The following GABRG3 variants were observed in gnomAD, a reference collection of about 807,000 sequenced individuals.
The protein encoded by GABRG3 is gamma-aminobutyric acid type A receptor subunit gamma3, also known as gamma-aminobutyric acid receptor subunit gamma-3.
A neutral mutation model predicts 48.8 loss-of-function variants in GABRG3; 25 were observed. The ratio of observed to expected loss-of-function variants is 0.51; its 90% CI spans 0.37 to 0.72. The LOEUF (loss-of-function observed/expected upper bound fraction) is 0.72, where lower values mean the gene tolerates loss of function less well. GABRG3 is among the 30% of genes least tolerant of loss of function. GABRG3 has a pLI of 0.00. For synonymous variants in GABRG3, 227 were observed against 217.6 expected, an observed-to-expected ratio of 1.04 and a Z score of -0.38; for missense variants, 394 against 577.9, an observed-to-expected ratio of 0.68 and a Z score of 3.26.
intron 6 of GABRG3, among the ~76,000 whole-genome samples, chr15:27,490,427 A>G (rs1890320959): frequency 6.6e-6 from 1 of 152,156 alleles, no homozygotes; most frequent in Non-Finnish European, 1.5e-5. Flanking sequence ...TACATAGGTG[A>G]TGTCCATCCA....
intron 2 of GABRG3, among the ~76,000 whole-genome samples, chr15:27,019,055 C>CTTTTTTTTTT (rs9331868): frequency 2.4e-5 from 1 of 42,004 alleles, no homozygotes; most frequent in African/African-American, 1.0e-4. Context: ...TCCCTAGAGT[C>CTTTTTTTTTT]TTTTTTTTTT....
At chr15:27,288,635 C>A (rs540465495) in intron 3 of GABRG3, among the ~76,000 whole-genome samples, 47 of 151,864 alleles carry the variant, frequency 3.1e-4, no homozygotes, top group African/African-American at 1.1e-3. Context: ...ATCACTTGAA[C>A]CCAGGAGGTG....
intron 3 of GABRG3, among the ~76,000 whole-genome samples, chr15:27,175,576 T>C (rs2140413553): frequency 6.6e-6 from 1 of 152,308 alleles, no homozygotes; most frequent in South Asian, 2.1e-4. Flanking sequence ...TGTCTTTAAC[T>C]AAAAGCAGTC....
intron 5 of GABRG3, among the ~76,000 whole-genome samples, chr15:27,349,207 AC>A (rs1288299323): frequency 1.3e-5 from 2 of 152,206 alleles, no homozygotes; most frequent in East Asian, 3.9e-4. Flanking sequence ...TATCTTTTTT[AC>A]ATACACATTT....
intron 2 of GABRG3, among the ~76,000 whole-genome samples, chr15:27,000,920 G>C (rs776573771): frequency 6.6e-6 from 1 of 152,168 alleles, no homozygotes; most frequent in African/African-American, 2.4e-5. Context: ...CACTCTAGCT[G>C]TTGGGAACAG....
chr15:27,010,068 C>A (rs116027508), intron 2 of GABRG3, among the ~76,000 whole-genome samples: 9,682 of 152,206 alleles, frequency 0.064, 349 homozygotes, highest in East Asian at 0.18. Context: ...CCTCAGCCTC[C>A]CAAGTAGCTG....
chr15:27,012,385 G>A (rs1049997737), intron 2 of GABRG3, among the ~76,000 whole-genome samples: 9 of 152,028 alleles, frequency 5.9e-5, no homozygotes, highest in African/African-American at 2.2e-4. Context: ...GCCCAGGTAT[G>A]GTTTTCATAA....
rs368292144 is a variant in GABRG3, at chr15:27,296,047, A to T, written c.271-30762A>T. ...GCCCTCATTCTTGGTCTTCCGTGCC[A>T]GGAGTAGAGCTCTTGCCCTTGGTGA... is the stretch of plus-strand genomic sequence containing the variant. On this transcript the variant is annotated intron_variant, in intron 3 of 9. Coordinates refer to ENST00000615808, the MANE Select transcript of GABRG3 (RefSeq NM_033223.5). Among the ~76,000 whole-genome samples, 4 of 152,242 alleles carry T rather than the reference A, an allele frequency of 2.6e-5. No homozygotes were observed. The South Asian group carries it at 8.3e-4, about 32-fold the overall frequency.
intron 3 of GABRG3, among the ~76,000 whole-genome samples, chr15:27,259,263 G>A (rs1196366262): frequency 2.0e-5 from 3 of 152,184 alleles, no homozygotes; most frequent in African/African-American, 7.2e-5. Flanking sequence ...GCATTGCTGG[G>A]TCATGTGGTG....
intron 3 of GABRG3, chr15:27,208,144 A>G (rs1466384353): frequency 1.2e-5 from 2 of 171,366 alleles, no homozygotes; most frequent in South Asian, 1.5e-4. Context: ...AAGCTGAGCC[A>G]GGAACCCATC....
chr15:27,401,972 G>A (rs537596757), intron 5 of GABRG3, among the ~76,000 whole-genome samples: 1 of 152,258 alleles, frequency 6.6e-6, no homozygotes, highest in East Asian at 1.9e-4. Flanking sequence ...TGAGAAAGAA[G>A]AATTTTGACA....
chr15:27,120,649 T>C (rs1464957185), intron 3 of GABRG3, among the ~76,000 whole-genome samples: 1 of 152,122 alleles, frequency 6.6e-6, no homozygotes, highest in Non-Finnish European at 1.5e-5. Context: ...GCTCCTGGAC[T>C]GGGCTCCTAG....
intron 5 of GABRG3, among the ~76,000 whole-genome samples, chr15:27,442,299 T>C (rs1888812910): frequency 6.6e-6 from 1 of 152,136 alleles, no homozygotes; most frequent in Admixed American, 6.5e-5. Flanking sequence ...CACACCACTT[T>C]CCCCTGAGAG....
At chr15:27,062,074 A>G (rs1050155285) in intron 3 of GABRG3, among the ~76,000 whole-genome samples, 2 of 152,200 alleles carry the variant, frequency 1.3e-5, no homozygotes, top group African/African-American at 4.8e-5. Context: ...CTTCCGGGCA[A>G]CTGGCGGCAG....
At chr15:27,335,564 CA>C (rs1207742098) in intron 5 of GABRG3, among the ~76,000 whole-genome samples, 2 of 151,962 alleles carry the variant, frequency 1.3e-5, no homozygotes, top group Non-Finnish European at 2.9e-5. Context: ...TCATTTAAGT[CA>C]AATAAGGCCA....
intron 3 of GABRG3, among the ~76,000 whole-genome samples, chr15:27,170,018 G>C (rs775063521): frequency 4.6e-5 from 7 of 152,146 alleles, no homozygotes; most frequent in Non-Finnish European, 7.4e-5. Flanking sequence ...GCTATTTTAT[G>C]ATTAACAAGT....
At chr15:27,164,585 G>A (rs1887313441) in intron 3 of GABRG3, among the ~76,000 whole-genome samples, 1 of 151,878 alleles carries the variant, frequency 6.6e-6, no homozygotes, top group African/African-American at 2.4e-5. Context: ...AGGCTCTTTT[G>A]ATCTAGATTG....
chr15:27,451,095 G>C (rs766573588), intron 5 of GABRG3, among the ~76,000 whole-genome samples: 1 of 152,038 alleles, frequency 6.6e-6, no homozygotes, highest in Admixed American at 6.6e-5. Flanking sequence ...TTGTCAAAAC[G>C]TTCATACTAC....
At position 27,259,237 on chromosome 15, in the gene GABRG3, G is replaced by A. The variant is rs557630720; in HGVS notation, c.271-67572G>A. Among the ~76,000 whole-genome samples the A allele has an allele frequency of 1.9e-4, 29 of 152,208 alleles. No individual in the cohort carries two copies. The South Asian group carries it at 5.2e-3, about 27-fold the overall frequency. ...TGATGTACTGATTTCCCTTCCTTTG[G>A]TTAAAGGAAGTAGTGGCATTGCTGG... On this transcript the variant is annotated intron_variant, in intron 3 of 9. Transcript: ENST00000615808.
Sources: allele counts gnomAD v4.1 joint callset (sites outside exome capture counted in the v4.1 genomes callset), GRCh38; gene constraint gnomAD v4.1.1; transcripts MANE v1.5; gene names NCBI Gene and HGNC (gene_info 2026-07-23, HGNC 2026-07-21).